ADAMTSL1: variants seen among roughly 807,000 people sequenced by gnomAD.
ADAMTSL1 encodes the protein ADAMTS-like protein 1.
Under a neutral mutation model 201.8 loss-of-function variants are expected in ADAMTSL1, and 126 were observed. The ratio of observed to expected loss-of-function variants is 0.62; its 90% CI spans 0.54 to 0.72. The LOEUF is 0.72. ADAMTSL1 is among the 30% of genes least tolerant of loss of function. The pLI is 0.00. For missense variants in ADAMTSL1, 2,679 were observed against 2,277.8 expected (o/e 1.18, Z -3.59); for synonymous variants, 1,121 against 903.4 (o/e 1.24, Z -4.32).
intron 2 of ADAMTSL1, among the ~76,000 whole-genome samples, chr9:18,418,559 A>T (rs1715576423): frequency 6.6e-6 from 1 of 152,200 alleles, no homozygotes; most frequent in African/African-American, 2.4e-5. Context: ...ACAGTATTTC[A>T]ATTGGTAAAT....
At chr9:18,822,855 T>A (rs888264702) in intron 21 of ADAMTSL1, among the ~76,000 whole-genome samples, 9 of 152,250 alleles carry the variant, frequency 5.9e-5, no homozygotes, top group Admixed American at 4.6e-4. Context: ...TGTTGAGGTA[T>A]TCTGAACATC....
At chr9:18,019,285 C>T (rs976747138) in intron 1 of ADAMTSL1, among the ~76,000 whole-genome samples, 6 of 152,074 alleles carry the variant, frequency 3.9e-5, no homozygotes, top group South Asian at 2.1e-4. Context: ...GATTGTTAAA[C>T]GAAAAGGAGT....
chr9:18,118,078 A>G (rs928735270), intron 1 of ADAMTSL1, among the ~76,000 whole-genome samples: 19 of 152,218 alleles, frequency 1.2e-4, no homozygotes, highest in African/African-American at 4.6e-4. Context: ...AAATTCCTAT[A>G]GAAACATCTA....
chr9:18,896,430 G>A (rs142857749), intron 26 of ADAMTSL1, among the ~76,000 whole-genome samples: 1 of 152,328 alleles, frequency 6.6e-6, no homozygotes, highest in African/African-American at 2.4e-5. Context: ...TGCAGAAAGA[G>A]GGGGAGGGGC....
intron 23 of ADAMTSL1, among the ~76,000 whole-genome samples, chr9:18,882,977 A>G (rs113752578): frequency 0.027 from 3,850 of 143,148 alleles, 118 homozygotes; most frequent in South Asian, 0.14. Context: ...GAGCAACAGA[A>G]TGAGAGCCTG....
chr9:18,878,733 C>T (rs1307274570), intron 23 of ADAMTSL1, among the ~76,000 whole-genome samples: 5 of 152,204 alleles, frequency 3.3e-5, no homozygotes, highest in East Asian at 1.9e-4. Context: ...GTTCTTGGAG[C>T]AGAAAATCAC....
chr9:18,739,415 T>G (rs1461074610), intron 15 of ADAMTSL1, among the ~76,000 whole-genome samples: 1 of 152,172 alleles, frequency 6.6e-6, no homozygotes, highest in Non-Finnish European at 1.5e-5. Flanking sequence ...GATCCAAGTG[T>G]GTTTAAAAAT....
chr9:18,347,485 A>C (rs1261426960), intron 2 of ADAMTSL1, among the ~76,000 whole-genome samples: 1 of 152,170 alleles, frequency 6.6e-6, no homozygotes, highest in East Asian at 1.9e-4. Context: ...ATTATAAATA[A>C]AAGTACATAT....
In ADAMTSL1 at chr9:18,639,238, G is replaced by T. The variant is rs77992667; in HGVS notation, c.677-16G>T. ...AGGAACATCTTTCTCTCATCTTCAC[G>T]TGTTTGATCATATAGATCTGGAAAC... On this transcript the variant is annotated splice_polypyrimidine_tract_variant and intron_variant, in intron 6 of 28. Coordinates refer to ENST00000380548, the MANE Select transcript of ADAMTSL1 (RefSeq NM_001040272.6). 1 of 1,611,636 alleles carries T rather than the reference G, an allele frequency of 6.2e-7. No homozygotes were observed. The highest frequency in any genetic ancestry group is 8.5e-7 in the Non-Finnish European group (1 of 1,178,628).
chr9:18,757,142 T>C (rs1213834898), intron 16 of ADAMTSL1, among the ~76,000 whole-genome samples: 1 of 152,238 alleles, frequency 6.6e-6, no homozygotes, highest in Non-Finnish European at 1.5e-5. Context: ...GCTTTTCCTC[T>C]CTGGTCTGTG....
chr9:18,140,015 A>T (rs972617818), intron 1 of ADAMTSL1, among the ~76,000 whole-genome samples: 1 of 152,166 alleles, frequency 6.6e-6, no homozygotes, highest in African/African-American at 2.4e-5. Context: ...TGAGCCAGGC[A>T]TTGTAATTGA....
intron 21 of ADAMTSL1, among the ~76,000 whole-genome samples, chr9:18,823,518 G>A (rs533060883): frequency 2.6e-5 from 4 of 152,168 alleles, no homozygotes; most frequent in South Asian, 4.2e-4. Context: ...TTCCATCCCT[G>A]GGTTCTCTCC....
intron 5 of ADAMTSL1, among the ~76,000 whole-genome samples, chr9:18,623,942 G>C (rs903020919): frequency 2.0e-5 from 3 of 152,140 alleles, no homozygotes; most frequent in African/African-American, 7.2e-5. Flanking sequence ...AGAGTTTGTT[G>C]CTTTAAATGG....
chr9:18,894,772 G>T (rs1379429837), intron 26 of ADAMTSL1, among the ~76,000 whole-genome samples: 1 of 152,174 alleles, frequency 6.6e-6, no homozygotes, highest in Non-Finnish European at 1.5e-5. Flanking sequence ...AAAGTCATTA[G>T]TATACAAGTG....
rs145445432 is a variant in ADAMTSL1, at chr9:18,338,045, A to G, written c.208-166784A>G. ...TATTTAGGATCCTGAGGATCAATGGAGAAAAACCATACAACTTTGTTGATT... is the reference window on the plus strand; with the variant it reads ...TATTTAGGATCCTGAGGATCAATGGGGAAAAACCATACAACTTTGTTGATT... On this transcript the variant is annotated intron_variant, in intron 2 of 29. Coordinates refer to the ADAMTSL1 transcript ENST00000680146. Among the ~76,000 whole-genome samples the G allele has an allele frequency of 6.5e-3, 987 of 152,226 alleles. 2 individuals are homozygous for G. Among genetic ancestry groups the G allele is most frequent in the Middle Eastern group, 0.01 (3 of 294 alleles).
intron 1 of ADAMTSL1, among the ~76,000 whole-genome samples, chr9:17,997,479 C>T (rs1023097397): frequency 1.1e-4 from 16 of 151,958 alleles, no homozygotes; most frequent in African/African-American, 3.9e-4. Flanking sequence ...AAAATGAATC[C>T]GTTGAAAATC....
chr9:18,076,848 T>C lies in ADAMTSL1; in HGVS notation c.88-87014T>C, dbSNP rs968427354. Among the ~76,000 whole-genome samples, 8 of 151,752 alleles carry C rather than the reference T, an allele frequency of 5.3e-5. No homozygotes were observed. In the East Asian group the frequency reaches 1.4e-3, roughly 26 times the overall value. ...GTGTGGAGTGTGGCTTGGCAGAAAA[T>C]AGGAGGAAAAATGGTGGTATTAAGG... On this transcript the variant is annotated intron_variant, in intron 1 of 29. Coordinates refer to the ADAMTSL1 transcript ENST00000680146.
chr9:18,336,146 G>T (rs1181905952), intron 2 of ADAMTSL1, among the ~76,000 whole-genome samples: 1 of 152,046 alleles, frequency 6.6e-6, no homozygotes, highest in Non-Finnish European at 1.5e-5. Flanking sequence ...ATAAATCCTG[G>T]TGAAACATTT....
chr9:18,129,783 A>G (rs1181652672), intron 1 of ADAMTSL1, among the ~76,000 whole-genome samples: 1 of 152,172 alleles, frequency 6.6e-6, no homozygotes, highest in Non-Finnish European at 1.5e-5. Flanking sequence ...GAACTGCAAA[A>G]TGGTCAGAGC....
Sources: allele counts gnomAD v4.1 joint callset (sites outside exome capture counted in the v4.1 genomes callset), GRCh38; gene constraint gnomAD v4.1.1; transcripts MANE v1.5; gene names NCBI Gene and HGNC (gene_info 2026-07-23, HGNC 2026-07-21).